The following AUTS2 variants were observed in gnomAD, a reference collection of about 807,000 sequenced individuals.
AUTS2 encodes autism susceptibility gene 2 protein.
Under a neutral mutation model 112.4 loss-of-function variants are expected in AUTS2, and 17 were observed. That is an observed-to-expected ratio of 0.15 (90% CI 0.10 to 0.23). The LOEUF (loss-of-function observed/expected upper bound fraction) is 0.23. AUTS2 is among the 10% of genes least tolerant of loss of function. AUTS2 has a pLI of 1.00. For synonymous variants in AUTS2, 751 were observed against 702.7 expected (o/e 1.07, Z -1.09); for missense variants, 1,510 against 1,701.6 (o/e 0.89, Z 1.98).
At chr7:70,123,786 T>C (rs1805815785) in intron 3 of AUTS2, among the ~76,000 whole-genome samples, 1 of 152,212 alleles carries the variant, frequency 6.6e-6, no homozygotes, top group Non-Finnish European at 1.5e-5. Context: ...GTATTTGCTA[T>C]TGTGAGTAGT....
At chr7:70,273,101 T>C (rs1210789817) in intron 4 of AUTS2, among the ~76,000 whole-genome samples, 1 of 152,134 alleles carries the variant, frequency 6.6e-6, no homozygotes, top group African/African-American at 2.4e-5. Context: ...CAGTCTGGAG[T>C]GCAGTGGCAC....
At chr7:70,190,009 T>C (rs760496379) in intron 4 of AUTS2, among the ~76,000 whole-genome samples, 1 of 152,214 alleles carries the variant, frequency 6.6e-6, no homozygotes, top group Non-Finnish European at 1.5e-5. Flanking sequence ...GAATGGTCCA[T>C]GATGTGTGCT....
intron 6 of AUTS2, among the ~76,000 whole-genome samples, chr7:70,750,646 C>T (rs1476668622): frequency 1.3e-5 from 2 of 152,214 alleles, no homozygotes; most frequent in East Asian, 3.9e-4. Context: ...AAGTGATCCG[C>T]CCACTTTGGC....
At chr7:70,268,239 A>G (rs145294017) in intron 4 of AUTS2, among the ~76,000 whole-genome samples, 258 of 152,260 alleles carry the variant, frequency 1.7e-3, no homozygotes, top group Middle Eastern at 6.8e-3. Context: ...CTTTGATGAC[A>G]TTTTAGTGCT....
chr7:70,749,193 AT>A (rs1194239667), intron 6 of AUTS2, among the ~76,000 whole-genome samples: 7 of 152,130 alleles, frequency 4.6e-5, no homozygotes, highest in Non-Finnish European at 1.0e-4. Context: ...GAAGGAAAGA[AT>A]TTCTAAGGTT....
At chr7:69,992,293 A>G (rs908148965) in intron 2 of AUTS2, among the ~76,000 whole-genome samples, 5 of 152,224 alleles carry the variant, frequency 3.3e-5, no homozygotes, top group Admixed American at 2.6e-4. Context: ...ATTAAACTCA[A>G]ATCTTCTGAA....
chr7:69,611,266 A>G (rs1207656775), intron 1 of AUTS2, among the ~76,000 whole-genome samples: 1 of 152,106 alleles, frequency 6.6e-6, no homozygotes, highest in African/African-American at 2.4e-5. Context: ...TTGTATTTCC[A>G]GATGTGAGCC....
intron 4 of AUTS2, among the ~76,000 whole-genome samples, chr7:70,182,519 A>C (rs146740731): frequency 6.6e-5 from 10 of 152,324 alleles, no homozygotes; most frequent in African/African-American, 2.4e-4. Flanking sequence ...TCATTAATTA[A>C]AATAATAATT....
At chr7:69,858,663 CA>C (rs1466742900) in intron 1 of AUTS2, among the ~76,000 whole-genome samples, 1 of 152,100 alleles carries the variant, frequency 6.6e-6, no homozygotes, top group Non-Finnish European at 1.5e-5. Flanking sequence ...TGGCTGCTAA[CA>C]GAAGGGAAGG....
chr7:69,788,280 G>T (rs1789465809), intron 1 of AUTS2, among the ~76,000 whole-genome samples: 1 of 152,082 alleles, frequency 6.6e-6, no homozygotes, highest in African/African-American at 2.4e-5. Flanking sequence ...ATAATTGCTT[G>T]AAAAGACAGC....
chr7:69,876,347 A>ATATATATAT (rs1267216047), intron 1 of AUTS2, among the ~76,000 whole-genome samples: 1 of 46,458 alleles, frequency 2.2e-5, no homozygotes, highest in Non-Finnish European at 3.9e-5. Context: ...AAAAAAAAAA[A>ATATATATAT]AAATATATAT....
At chr7:70,418,887 A>G (rs1018856447) in intron 4 of AUTS2, among the ~76,000 whole-genome samples, 4 of 151,966 alleles carry the variant, frequency 2.6e-5, no homozygotes, top group African/African-American at 9.7e-5. Flanking sequence ...ATGCTTAGCA[A>G]TTTTAAAGTA....
At chr7:70,500,357 C>G (rs1482211000) in intron 5 of AUTS2, among the ~76,000 whole-genome samples, 2 of 152,008 alleles carry the variant, frequency 1.3e-5, no homozygotes, top group Non-Finnish European at 2.9e-5. Flanking sequence ...AATAAAAGCC[C>G]AGGAAAAGGA....
chr7:69,772,255 C>A (rs1303357817), intron 1 of AUTS2, among the ~76,000 whole-genome samples: 2 of 152,164 alleles, frequency 1.3e-5, no homozygotes, highest in African/African-American at 4.8e-5. Context: ...AATGACAGAT[C>A]CGGTTCAACT....
intron 2 of AUTS2, among the ~76,000 whole-genome samples, chr7:70,059,884 C>G (rs1802164010): frequency 6.6e-6 from 1 of 152,190 alleles, no homozygotes; most frequent in Admixed American, 6.5e-5. Flanking sequence ...CAAATAGCTG[C>G]TTGACCTTGC....
chr7:70,030,429 G>C (rs1051820960), intron 2 of AUTS2, among the ~76,000 whole-genome samples: 42 of 152,106 alleles, frequency 2.8e-4, no homozygotes, highest in Admixed American at 2.7e-3. Flanking sequence ...ATGATGTAAT[G>C]ACCTTGGAGG....
intron 1 of AUTS2, among the ~76,000 whole-genome samples, chr7:69,649,913 T>C (rs988762565): frequency 6.6e-6 from 1 of 152,212 alleles, no homozygotes; most frequent in African/African-American, 2.4e-5. Flanking sequence ...CAGTGCCTTC[T>C]AAGAAATATA....
intron 4 of AUTS2, among the ~76,000 whole-genome samples, chr7:70,161,224 A>G (rs1808058947): frequency 6.6e-6 from 1 of 151,838 alleles, no homozygotes; most frequent in African/African-American, 2.4e-5. Context: ...GACATCTGAC[A>G]TTTCCTATTT....
intron 5 of AUTS2, among the ~76,000 whole-genome samples, chr7:70,550,697 G>A (rs1034182719): frequency 3.9e-5 from 6 of 152,160 alleles, no homozygotes; most frequent in Non-Finnish European, 8.8e-5. Context: ...AAAAATATCA[G>A]TATGAGCTCA....
Sources: gnomAD v4.1 joint callset for allele counts (sites outside exome capture counted in the v4.1 genomes callset) on GRCh38, gnomAD v4.1.1 for gene constraint, MANE v1.5 for transcripts, NCBI Gene and HGNC (gene_info 2026-07-23, HGNC 2026-07-21) for gene names.